The following CLSTN1 variants were observed in gnomAD, a reference collection of about 807,000 sequenced individuals.
CLSTN1 encodes calsyntenin-1.
A neutral mutation model predicts 108.3 loss-of-function variants in CLSTN1; 28 were observed. That is an observed-to-expected ratio of 0.26 (90% CI 0.19 to 0.35). The LOEUF is 0.35. Among genes scored for constraint, CLSTN1 ranks in the 10% least tolerant of loss-of-function variants. CLSTN1 has a pLI of 1.00. For missense variants in CLSTN1, 1,157 were observed against 1,302.6 expected (o/e 0.89, Z 1.72); for synonymous variants, 524 against 534.9 (o/e 0.98, Z 0.28).
At position 9,755,228 on chromosome 1, in the gene CLSTN1, A is replaced by G. The variant is rs1238291264; in HGVS notation, c.326T>C (p.Val109Ala). The G allele has an allele frequency of 1.2e-6, 2 of 1,613,946 alleles. No homozygotes were observed. The highest frequency in any genetic ancestry group is 4.5e-5 in the East Asian group (2 of 44,860). The change falls in exon 4 of 19, where the codon GTC becomes GCC. Residue 109 changes from valine to alanine, a missense_variant. Physicochemically the swap from Val to Ala is moderately conservative, Grantham distance 64. Transcript: ENST00000377298. Reference sequence around the variant, plus strand: ...GTCCAGTTTCTCTTTGGAGCGAATGACTCCCTCACCAGTGGATTTATCCAC... The same window carrying G: ...GTCCAGTTTCTCTTTGGAGCGAATGGCTCCCTCACCAGTGGATTTATCCAC... Reference protein sequence around the residue: ...VVVDKSTGEGVIRSKEKLDCE... With the variant: ...VVVDKSTGEGAIRSKEKLDCE...
intron 11 of CLSTN1, among the ~76,000 whole-genome samples, chr1:9,736,652 C>G (rs961178755): frequency 6.6e-6 from 1 of 152,108 alleles, no homozygotes; most frequent in Non-Finnish European, 1.5e-5. Flanking sequence ...CAACAAAGAG[C>G]CAGAAACAGG....
chr1:9,732,367 T>C (rs1314337052), intron 16 of CLSTN1, among the ~76,000 whole-genome samples: 3 of 152,106 alleles, frequency 2.0e-5, no homozygotes, highest in Admixed American at 6.5e-5. Context: ...CTGGCTGCAA[T>C]CCATTTTTAT....
In CLSTN1 at chr1:9,734,114, G is replaced by A. The variant is rs139721760; in HGVS notation, c.2139C>T (p.Ile713=). The change falls in exon 15 of 19, where the codon ATC becomes ATT. Residue 713 remains isoleucine, a synonymous_variant. Transcript: ENST00000377298. This position sits in a 1 kb window ranked among gnomAD's most constrained non-coding sequence, Gnocchi z 4.8. ...CCTCACAGGTATCCAGGTCGTGCAC[G>A]ATCTCCTCGGACACCAGTGATTCTT... ...TVQESLVSEE[I]VHDLDTCEVT... 222 of 1,613,970 alleles carry A rather than the reference G, an allele frequency of 1.4e-4. No individual in the cohort carries two copies. The highest frequency in any genetic ancestry group is 9.9e-4 in the Middle Eastern group (6 of 6,084).
At chr1:9,794,440 C>T (rs547449038) in intron 1 of CLSTN1, among the ~76,000 whole-genome samples, 1 of 151,488 alleles carries the variant, frequency 6.6e-6, no homozygotes, top group Non-Finnish European at 1.5e-5. Context: ...TCCCAAGTAG[C>T]TGAGATCACA....
rs544907992 is a variant in CLSTN1 at position 9,734,879 on chromosome 1, G to A, written c.2110+69C>T. ...AAATCCCACAGAGACAAAGAGCCCC[G>A]CCAAGTACATGGGGACAATGGGGTT... On this transcript the variant is annotated intron_variant, in intron 14 of 18. Coordinates refer to ENST00000377298, the MANE Select transcript of CLSTN1 (RefSeq NM_001009566.3). The surrounding 1 kb of genome is among the most constrained non-coding windows in gnomAD (Gnocchi z 4.8). 3.2e-5 allele frequency: 42 copies of A among 1,325,644 alleles called. No homozygotes were observed. The highest frequency in any genetic ancestry group is 2.1e-4 in the East Asian group (9 of 43,146). The allele number at this position is 1,325,644 out of a possible 1,614,324, so 82.1% of individuals were successfully genotyped here.
intron 1 of CLSTN1, among the ~76,000 whole-genome samples, chr1:9,813,932 T>C (rs981010336): frequency 2.0e-5 from 3 of 151,592 alleles, no homozygotes; most frequent in African/African-American, 7.3e-5. Context: ...ACCCTGTCTC[T>C]ACTAAAAATA....
At chr1:9,755,637 T>G (rs1039552721) in intron 3 of CLSTN1, among the ~76,000 whole-genome samples, 1 of 152,128 alleles carries the variant, frequency 6.6e-6, no homozygotes, top group Non-Finnish European at 1.5e-5. Flanking sequence ...AGGAGTCTCA[T>G]TAGCACACAG....
chr1:9,786,813 C>T (rs965667340), intron 1 of CLSTN1, among the ~76,000 whole-genome samples: 1 of 151,382 alleles, frequency 6.6e-6, no homozygotes, highest in African/African-American at 2.4e-5. Flanking sequence ...GGCCTGAGAG[C>T]TACATCGGGC....
At chr1:9,774,898 G>A (rs372012775) in intron 1 of CLSTN1, among the ~76,000 whole-genome samples, 70 of 152,200 alleles carry the variant, frequency 4.6e-4, no homozygotes, top group African/African-American at 1.6e-3. Flanking sequence ...GAGTTTTCCC[G>A]GAAAGATATG....
chr1:9,741,354 G>A, intron 9 of CLSTN1, 98 bp from the exon 10 acceptor site: 2 of 1,184,454 alleles, frequency 1.7e-6, no homozygotes, highest in Non-Finnish European at 2.4e-6. Flanking sequence ...GGTCTTCCTA[G>A]GAGGAAAAGG....
chr1:9,770,692 T>G (rs1652632669), intron 2 of CLSTN1, among the ~76,000 whole-genome samples: 1 of 152,224 alleles, frequency 6.6e-6, no homozygotes, highest in Non-Finnish European at 1.5e-5. Flanking sequence ...TATGCATGCT[T>G]TATAAGTGCA....
At chr1:9,802,386 CTCT>C (rs1377980072) in intron 1 of CLSTN1, among the ~76,000 whole-genome samples, 1 of 152,206 alleles carries the variant, frequency 6.6e-6, no homozygotes, top group African/African-American at 2.4e-5. Flanking sequence ...ATTTCTAAAG[CTCT>C]TGTCAACTCT....
rs777153994 is a variant in CLSTN1 at position 9,751,564 on chromosome 1, C to A, written c.558G>T (p.Glu186Asp). The A allele has an allele frequency of 6.2e-7, 1 of 1,614,192 alleles. No individual in the cohort carries two copies. Among genetic ancestry groups the A allele is most frequent in the Admixed American group, 1.7e-5 (1 of 60,004 alleles). Residue 186 changes from glutamate (E) to aspartate (D), a missense_variant, in exon 5 of 19, where the codon GAG becomes GAT. Coordinates refer to ENST00000377298, the MANE Select transcript of CLSTN1 (RefSeq NM_001009566.3). ...GKQYDSILRVEAVDADCSPQF... is the reference protein window; with the variant it reads ...GKQYDSILRVDAVDADCSPQF... ...GAGGGGAGCAGTCGGCATCCACGGC[C>A]TCCACCCTCAAAATGCTGTCGTACT...
intron 9 of CLSTN1, among the ~76,000 whole-genome samples, chr1:9,742,201 G>A (rs1025068702): frequency 1.3e-5 from 2 of 152,172 alleles, no homozygotes; most frequent in Non-Finnish European, 2.9e-5. Context: ...GATCGTATTA[G>A]AAATTTTACT....
intron 2 of CLSTN1, among the ~76,000 whole-genome samples, chr1:9,763,849 C>CA: frequency 6.6e-6 from 1 of 152,272 alleles, no homozygotes; most frequent in Non-Finnish European, 1.5e-5. Context: ...AAACTCCACC[C>CA]ACCCTTTACA....
In CLSTN1 at chr1:9,757,145, G is replaced by C. The variant is rs527848864; in HGVS notation, c.215-635C>G. On this transcript the variant is annotated intron_variant, in intron 2 of 18. Coordinates refer to ENST00000377298, the MANE Select transcript of CLSTN1 (RefSeq NM_001009566.3). ...AAGTACATCTATTTGTTATTTTGCAGTTTTCAGATGTTCATTTCCAACCTA... is the reference window on the plus strand; with the variant it reads ...AAGTACATCTATTTGTTATTTTGCACTTTTCAGATGTTCATTTCCAACCTA... 1.4e-3 allele frequency among the ~76,000 whole-genome samples: 206 copies of C among 151,792 alleles called. 3 individuals carry two copies. Among genetic ancestry groups the C allele is most frequent in the Non-Finnish European group, 2.3e-3 (157 of 67,928 alleles).
At chr1:9,806,921 T>C (rs1654532880) in intron 1 of CLSTN1, among the ~76,000 whole-genome samples, 1 of 151,984 alleles carries the variant, frequency 6.6e-6, no homozygotes, top group Non-Finnish European at 1.5e-5. Context: ...TTTACACTAA[T>C]GATGTCAAAG....
chr1:9,746,489 G>A (rs1651273105), intron 7 of CLSTN1, among the ~76,000 whole-genome samples: 1 of 152,164 alleles, frequency 6.6e-6, no homozygotes, highest in Non-Finnish European at 1.5e-5. Flanking sequence ...GCTGAGGCAG[G>A]CAGATCAACT....
chr1:9,731,146 T>G (rs1405982241), intron 18 of CLSTN1, 60 bp downstream of exon 18: 4 of 1,600,764 alleles, frequency 2.5e-6, no homozygotes, highest in Non-Finnish European at 3.4e-6. Flanking sequence ...CCGTACCGGC[T>G]TCTCGGAGGC....
Sources: allele counts gnomAD v4.1 joint callset (sites outside exome capture counted in the v4.1 genomes callset), GRCh38; gene constraint gnomAD v4.1.1; non-coding constraint Gnocchi (gnomAD v3.1); transcripts MANE v1.5; gene names NCBI Gene and HGNC (gene_info 2026-07-23, HGNC 2026-07-21).